Variants in PRKG2 observed in about 807,000 individuals in gnomAD.
PRKG2 encodes the protein protein kinase cGMP-dependent 2, also known as cGMP-dependent protein kinase 2.
PRKG2 carries 33 observed loss-of-function variants against 97.2 expected under a neutral mutation model. The ratio of observed to expected loss-of-function variants is 0.34; its 90% confidence interval spans 0.26 to 0.45. PRKG2 has a LOEUF of 0.45. PRKG2 is among the 20% of genes least tolerant of loss of function. The pLI is 1.00. For synonymous variants in PRKG2, 330 were observed against 321.8 expected, an observed-to-expected ratio of 1.03 and a Z score of -0.27; for missense variants, 638 against 900.0, an observed-to-expected ratio of 0.71 and a Z score of 3.73.
chr4:81,100,889 T>A (rs550305358), intron 17 of PRKG2, among the ~76,000 whole-genome samples: 4 of 152,238 alleles, frequency 2.6e-5, no homozygotes, highest in African/African-American at 9.6e-5. Flanking sequence ...AACAAGCCCA[T>A]CAACAAGTGG....
At chr4:81,163,863 TACACACACACACACAC>T (rs5859761) in intron 6 of PRKG2, among the ~76,000 whole-genome samples, 8 of 144,758 alleles carry the variant, frequency 5.5e-5, no homozygotes, top group African/African-American at 1.5e-4. Context: ...AGATGTATAG[TACACACACACACACAC>T]ACACACACAC....
chr4:81,193,590 A>C (rs1752741370), intron 2 of PRKG2, among the ~76,000 whole-genome samples: 1 of 152,146 alleles, frequency 6.6e-6, no homozygotes, highest in African/African-American at 2.4e-5. Context: ...CTGTAATCCC[A>C]GCACTTTGGG....
At chr4:81,110,667 T>A in intron 14 of PRKG2, 56 bp from the exon 15 acceptor site, 1 of 1,590,120 alleles carries the variant, frequency 6.3e-7, no homozygotes, top group Non-Finnish European at 8.6e-7. Flanking sequence ...TGCTCCTCTT[T>A]AAGCCTCCCT....
rs549099780 is a variant in PRKG2, at chr4:81,143,175, C to T, written c.1254-228G>A. On this transcript the variant is annotated intron_variant, in intron 10 of 18. Transcript: ENST00000264399. ...ACATATGCATATACCAGGAAATAGACGAATGCCAAGTTGAATCAATGAGAG... is the reference window on the plus strand; with the variant it reads ...ACATATGCATATACCAGGAAATAGATGAATGCCAAGTTGAATCAATGAGAG... Among the ~76,000 whole-genome samples the T allele has an allele frequency of 5.3e-5, 8 of 152,122 alleles. No homozygotes were observed. The East Asian group carries it at 5.8e-4, about 11-fold the overall frequency.
chr4:81,169,740 T>G lies in PRKG2; in HGVS notation c.771A>C (p.Leu257=). Reference sequence around the variant, plus strand: ...TTATATTCTGGAATACCTCTCGATCTAGTGCCCATGTTTTAACATTGGTAA... The same window carrying G: ...TTATATTCTGGAATACCTCTCGATCGAGTGCCCATGTTTTAACATTGGTAA... ...KAITNVKTWA[L]DREVFQNIMR... is the part of the protein sequence containing the mutation. Residue 257 remains leucine, a synonymous_variant, in exon 5 of 19, where the codon CTA becomes CTC. Transcript: ENST00000264399. The G allele has an allele frequency of 1.2e-6, 2 of 1,608,900 alleles. No homozygotes were observed. Among genetic ancestry groups the G allele is most frequent in the Non-Finnish European group, 1.7e-6 (2 of 1,177,208 alleles).
intron 6 of PRKG2, among the ~76,000 whole-genome samples, chr4:81,155,189 A>AAAAAAAAAAAG (rs1334427898): frequency 6.7e-6 from 1 of 148,254 alleles, no homozygotes; most frequent in African/African-American, 2.6e-5. Flanking sequence ...AAAAAAAAAA[A>AAAAAAAAAAAG]AAGAAGAATG....
At position 81,110,561 on chromosome 4, in the gene PRKG2, T is replaced by C. The variant is rs1316260881; in HGVS notation, c.1827A>G (p.Thr609=). The part of the protein sequence containing the change: ...KKIGSGQKTW[T]FCGTPEYVAP... Reference sequence around the variant, plus strand: ...CTACATATTCTGGAGTCCCACAGAATGTCCATGTTTTCTGTCCAGACCCTA... The same window carrying C: ...CTACATATTCTGGAGTCCCACAGAACGTCCATGTTTTCTGTCCAGACCCTA... Residue 609 remains threonine, a synonymous_variant, in exon 15 of 19, where the codon ACA becomes ACG. Transcript: ENST00000264399. 1.4e-5 allele frequency: 23 copies of C among 1,613,854 alleles called. No homozygotes were observed. The highest frequency in any genetic ancestry group is 1.9e-5 in the Non-Finnish European group (22 of 1,179,950).
At chr4:81,103,866 A>G (rs1378978326) in intron 17 of PRKG2, among the ~76,000 whole-genome samples, 1 of 152,058 alleles carries the variant, frequency 6.6e-6, no homozygotes, top group Non-Finnish European at 1.5e-5. Context: ...CCCTGTCTCT[A>G]CTAAAAATAC....
At chr4:81,173,847 G>A (rs1750696015) in intron 3 of PRKG2, 1 of 151,944 alleles carries the variant, frequency 6.6e-6, no homozygotes, top group African/African-American at 2.4e-5. Flanking sequence ...TGCCAATGAA[G>A]GAATGACAAC....
At chr4:81,101,848 C>T (rs1158883753) in intron 17 of PRKG2, among the ~76,000 whole-genome samples, 2 of 151,878 alleles carry the variant, frequency 1.3e-5, no homozygotes, top group Non-Finnish European at 2.9e-5. Flanking sequence ...TAGAAAGAAG[C>T]TTTTTTGTTT....
At chr4:81,098,843 G>T (rs1742398078) in intron 17 of PRKG2, among the ~76,000 whole-genome samples, 1 of 152,158 alleles carries the variant, frequency 6.6e-6, no homozygotes, top group Non-Finnish European at 1.5e-5. Context: ...GTAAAATATT[G>T]TAAGAATTAC....
At position 81,204,163 on chromosome 4, in the gene PRKG2, G is replaced by A. The variant is rs200699832; in HGVS notation, c.461+424C>T. On this transcript the variant is annotated intron_variant, in intron 2 of 18. Coordinates refer to ENST00000264399, the MANE Select transcript of PRKG2 (RefSeq NM_006259.3). ...GGAATGAATGAATGAATTCATCTTT[G>A]AGGCTCCAGCATGTTCCTTTTCCAT... Among the ~76,000 whole-genome samples the A allele has an allele frequency of 2.6e-5, 4 of 151,916 alleles. No individual in the cohort carries two copies. In the East Asian group the frequency reaches 5.8e-4, roughly 22 times the overall value.
chr4:81,093,468 C>T (rs1741805020), intron 17 of PRKG2, among the ~76,000 whole-genome samples: 1 of 151,784 alleles, frequency 6.6e-6, no homozygotes, highest in Non-Finnish European at 1.5e-5. Context: ...ATCTAACATA[C>T]TACTTGACTT....
chr4:81,153,427 TAC>T (rs1748616385), intron 7 of PRKG2: 1 of 446,382 alleles, frequency 2.2e-6, no homozygotes, highest in Non-Finnish European at 4.0e-6. Context: ...TCAAGTGACC[TAC>T]ATAACATCAC....
intron 14 of PRKG2, among the ~76,000 whole-genome samples, chr4:81,128,051 A>C (rs544671968): frequency 1.3e-5 from 2 of 152,278 alleles, no homozygotes; most frequent in East Asian, 3.9e-4. Context: ...GGGGTGTTGA[A>C]TTTTATCAAA....
At position 81,174,872 on chromosome 4, in the gene PRKG2, G is replaced by A. The variant is rs756296962; in HGVS notation, c.549C>T (p.Cys183=). The change falls in exon 3 of 19, where the codon TGC becomes TGT. Residue 183 remains cysteine, a synonymous_variant. Transcript: ENST00000264399. ...DPQQIKDMVE[C]MYGRNYQQGS... ...CTTGCTGATAGTTTCTCCCATACAT[G>A]CATTCCACCATGTCTTTGATCTGCT... 3.1e-6 allele frequency: 5 copies of A among 1,612,796 alleles called. No homozygotes were observed. In the South Asian group the frequency reaches 4.4e-5, roughly 14 times the overall value.
chr4:81,207,389 T>A (rs1394374389), intron 1 of PRKG2, among the ~76,000 whole-genome samples: 3 of 152,198 alleles, frequency 2.0e-5, no homozygotes, highest in Non-Finnish European at 2.9e-5. Context: ...ATAAAAACTT[T>A]CAAATCTAAT....
intron 2 of PRKG2, among the ~76,000 whole-genome samples, chr4:81,191,913 G>C (rs1752555834): frequency 6.6e-6 from 1 of 152,092 alleles, no homozygotes; most frequent in African/African-American, 2.4e-5. Flanking sequence ...ATTTTGGAAA[G>C]TTATTTGGCC....
At chr4:81,150,160 C>G (rs1419749371) in intron 8 of PRKG2, among the ~76,000 whole-genome samples, 1 of 152,126 alleles carries the variant, frequency 6.6e-6, no homozygotes, top group Non-Finnish European at 1.5e-5. Context: ...GACATAGACA[C>G]AGACATGATC....
Sources: allele counts gnomAD v4.1 joint callset (sites outside exome capture counted in the v4.1 genomes callset), GRCh38; gene constraint gnomAD v4.1.1; transcripts MANE v1.5; gene names NCBI Gene and HGNC (gene_info 2026-07-23, HGNC 2026-07-21).